Variants in PCDHGA9 observed in about 807,000 individuals in gnomAD.
The protein encoded by PCDHGA9 is protocadherin gamma-A9.
Under a neutral mutation model 62.5 loss-of-function variants are expected in PCDHGA9, and 37 were observed. That is an observed-to-expected ratio of 0.59 (90% CI 0.46 to 0.78). PCDHGA9 has a LOEUF of 0.78. Among genes scored for constraint, PCDHGA9 ranks in the 30% least tolerant of loss-of-function variants. The pLI, the probability that PCDHGA9 is intolerant of heterozygous loss-of-function variation, is 0.00. For missense variants in PCDHGA9, 1,138 were observed against 1,166.2 expected, an observed-to-expected ratio of 0.98 and a Z score of 0.35; for synonymous variants, 459 against 484.6, an observed-to-expected ratio of 0.95 and a Z score of 0.69.
intron 1 of PCDHGA9, among the ~76,000 whole-genome samples, chr5:141,434,463 G>A (rs967685246): frequency 5.9e-5 from 9 of 152,192 alleles, no homozygotes; most frequent in Admixed American, 1.3e-4. Flanking sequence ...TGGGTTTACC[G>A]GAATGAGGGC....
intron 2 of PCDHGA9, 145 bp downstream of exon 2, chr5:141,495,010 G>GT: frequency 6.6e-7 from 1 of 1,516,970 alleles, no homozygotes; most frequent in East Asian, 2.5e-5. Flanking sequence ...GTGTGCGGGG[G>GT]GCTGGCACAC....
intron 1 of PCDHGA9, chr5:141,409,991 G>A: frequency 6.2e-6 from 10 of 1,613,320 alleles, no homozygotes; most frequent in Non-Finnish European, 7.6e-6. Flanking sequence ...GGTGGACGCC[G>A]ACTCGGGACA....
Position 141,485,486 on chromosome 5 carries a change from C to A in PCDHGA9, c.2425-9321C>A. On this transcript the variant is annotated intron_variant, in intron 1 of 3. Transcript: ENST00000573521. This position sits in a 1 kb window ranked among gnomAD's most constrained non-coding sequence, Gnocchi z 5.7. Reference sequence around the variant, plus strand: ...TGGGCTCAGTGCCAGCTGCATCGTGCCCCTGGAGTTTGTCACCGAAGGTCC... The same window carrying A: ...TGGGCTCAGTGCCAGCTGCATCGTGACCCTGGAGTTTGTCACCGAAGGTCC... 6.2e-7 allele frequency: 1 copy of A among 1,614,104 alleles called. No individual in the cohort carries two copies.
chr5:141,415,078 G>T (rs780547982), intron 1 of PCDHGA9: 2 of 1,613,376 alleles, frequency 1.2e-6, no homozygotes, highest in Non-Finnish European at 8.5e-7. Context: ...CACGGCGCGA[G>T]CCCTGCTGGA....
chr5:141,419,644 CG>C (rs1418985518), intron 1 of PCDHGA9: 2 of 1,612,396 alleles, frequency 1.2e-6, no homozygotes, highest in Non-Finnish European at 1.7e-6. Flanking sequence ...TGGCCGTGGA[CG>C]CGGACTCGGG....
rs530356030 is a variant in PCDHGA9 at position 141,426,463 on chromosome 5, GATTT to G, written c.2424+21091_2424+21094del. 309 of 318,428 alleles carry G rather than the reference GATTT, an allele frequency of 9.7e-4. 2 individuals are homozygous for G. Among genetic ancestry groups the G allele is most frequent in the Non-Finnish European group, 1.6e-3 (252 of 160,518 alleles). 19.7% of individuals were successfully genotyped at this position (318,428 alleles called of 1,614,324 possible). A position where few individuals can be genotyped will look rare whatever the true frequency, so the allele number is the denominator to read the frequency against. ...GGAGGACATGCGGCTGCATGTTCAGGATTTATTGACCTGAAACCTTAGAGTTAGT... is the reference window on the plus strand; with the variant it reads ...GGAGGACATGCGGCTGCATGTTCAGGATTGACCTGAAACCTTAGAGTTAGT... On this transcript the variant is annotated intron_variant, in intron 1 of 3. Transcript: ENST00000573521.
chr5:141,419,115 A>G (rs1159582360), intron 1 of PCDHGA9: 1 of 1,613,872 alleles, frequency 6.2e-7, no homozygotes, highest in Non-Finnish European at 8.5e-7. Flanking sequence ...CCAGAGTACA[A>G]CGTCACCATC....
At chr5:141,452,673 G>A (rs2098746812) in intron 1 of PCDHGA9, among the ~76,000 whole-genome samples, 1 of 151,896 alleles carries the variant, frequency 6.6e-6, no homozygotes, top group Non-Finnish European at 1.5e-5. Flanking sequence ...CTCCAGCCTA[G>A]GCCACAGAAT....
In PCDHGA9 at chr5:141,432,184, C is replaced by G; in HGVS notation, c.2424+26808C>G. 1 of 1,614,164 alleles carries G rather than the reference C, an allele frequency of 6.2e-7. No individual in the cohort carries two copies. The highest frequency in any genetic ancestry group is 2.2e-5 in the East Asian group (1 of 44,872). On this transcript the variant is annotated intron_variant, in intron 1 of 3. Coordinates refer to ENST00000573521, the MANE Select transcript of PCDHGA9 (RefSeq NM_018921.3). This position sits in a 1 kb window ranked among gnomAD's most constrained non-coding sequence, Gnocchi z 6.0. Reference sequence around the variant, plus strand: ...GAGGAGTTTCCCTCGTCTCTGTGACCGCCCACGACCCCGACTGTGAAGAGA... The same window carrying G: ...GAGGAGTTTCCCTCGTCTCTGTGACGGCCCACGACCCCGACTGTGAAGAGA...
intron 1 of PCDHGA9, among the ~76,000 whole-genome samples, chr5:141,452,068 A>G (rs554365813): frequency 1.1e-3 from 160 of 152,308 alleles, no homozygotes; most frequent in Middle Eastern, 6.8e-3. Flanking sequence ...TTCTACTTTT[A>G]TTAGTTGGCA....
chr5:141,496,164 C>A (rs745320704), intron 2 of PCDHGA9, among the ~76,000 whole-genome samples: 1 of 152,084 alleles, frequency 6.6e-6, no homozygotes, highest in East Asian at 1.9e-4. Flanking sequence ...CCACCAGACA[C>A]CCTCCCATCC....
intron 1 of PCDHGA9, among the ~76,000 whole-genome samples, chr5:141,464,261 T>TC (rs2099079163): frequency 1.5e-5 from 2 of 137,096 alleles, no homozygotes; most frequent in African/African-American, 2.9e-5. Flanking sequence ...CGAGACTCCG[T>TC]CTAAAAAAAA....
At chr5:141,488,594 C>T (rs1398982317) in intron 1 of PCDHGA9, among the ~76,000 whole-genome samples, 3 of 152,164 alleles carry the variant, frequency 2.0e-5, no homozygotes, top group African/African-American at 7.2e-5. Context: ...CAGGGCAAGA[C>T]TTTACAAGGT....
intron 1 of PCDHGA9, among the ~76,000 whole-genome samples, chr5:141,448,784 C>CAA (rs576464275): frequency 4.8e-5 from 7 of 145,806 alleles, no homozygotes; most frequent in East Asian, 2.0e-4. Context: ...ACTAAAAATA[C>CAA]AAAAAAAAAA....
intron 1 of PCDHGA9, chr5:141,413,386 GTC>G: frequency 6.2e-7 from 1 of 1,614,002 alleles, no homozygotes; most frequent in Non-Finnish European, 8.5e-7. Context: ...AGTCCGCATA[GTC>G]TCCAGAGGTA....
Position 141,477,289 on chromosome 5 carries a change from T to G in PCDHGA9, c.2425-17518T>G, listed in dbSNP as rs759477848. On this transcript the variant is annotated intron_variant, in intron 1 of 3. Coordinates refer to ENST00000573521, the MANE Select transcript of PCDHGA9 (RefSeq NM_018921.3). The surrounding 1 kb of genome is among the most constrained non-coding windows in gnomAD (Gnocchi z 4.9). ...AGAACGGGCTGGTGACCTGCGAAGT[T>G]CCACCGGGTCTCCCTTTCAGCCTTA... The G allele has an allele frequency of 3.2e-5, 52 of 1,614,046 alleles. No individual in the cohort carries two copies. Among genetic ancestry groups the G allele is most frequent in the Non-Finnish European group, 4.2e-5 (50 of 1,180,040 alleles).
In PCDHGA9 at chr5:141,477,191, A is replaced by G; in HGVS notation, c.2425-17616A>G. ...GGAGATCACAGTCACCTCCGTGTACAGCCCAGTACCCGAGGATGCCCCTCT... is the reference window on the plus strand; with the variant it reads ...GGAGATCACAGTCACCTCCGTGTACGGCCCAGTACCCGAGGATGCCCCTCT... On this transcript the variant is annotated intron_variant, in intron 1 of 3. Transcript: ENST00000573521. This position sits in a 1 kb window ranked among gnomAD's most constrained non-coding sequence, Gnocchi z 4.9. 5.0e-6 allele frequency: 8 copies of G among 1,614,210 alleles called. No homozygotes were observed. The highest frequency in any genetic ancestry group is 6.8e-6 in the Non-Finnish European group (8 of 1,180,044).
chr5:141,419,729 G>T (rs1436631336), intron 1 of PCDHGA9: 1 of 1,613,758 alleles, frequency 6.2e-7, no homozygotes, highest in Admixed American at 1.7e-5. Context: ...GCTGCGAACA[G>T]GCGAGGTGCG....
chr5:141,484,375 G>C (rs188702244), intron 1 of PCDHGA9, among the ~76,000 whole-genome samples: 2 of 152,258 alleles, frequency 1.3e-5, no homozygotes, highest in African/African-American at 4.8e-5. Flanking sequence ...ACTAGCAAAT[G>C]TCTGAATAAG....
Sources: allele counts gnomAD v4.1 joint callset (sites outside exome capture counted in the v4.1 genomes callset), GRCh38; gene constraint gnomAD v4.1.1; non-coding constraint Gnocchi (gnomAD v3.1); transcripts MANE v1.5; gene names NCBI Gene and HGNC (gene_info 2026-07-23, HGNC 2026-07-21).